GPC6: variants seen among roughly 807,000 people sequenced by gnomAD.
GPC6 encodes glypican 6.
A neutral mutation model predicts 55.2 loss-of-function variants in GPC6; 14 were observed. The ratio of observed to expected loss-of-function variants is 0.25; its 90% CI spans 0.17 to 0.40. GPC6 has a LOEUF of 0.40. GPC6 is among the 10% of genes least tolerant of loss of function. The pLI is 1.00. For synonymous variants in GPC6, 278 were observed against 259.6 expected, an observed-to-expected ratio of 1.07 and a Z score of -0.68; for missense variants, 641 against 708.5, an observed-to-expected ratio of 0.90 and a Z score of 1.08.
At chr13:94,280,734 G>A (rs1892354967) in intron 4 of GPC6, among the ~76,000 whole-genome samples, 1 of 151,980 alleles carries the variant, frequency 6.6e-6, no homozygotes, top group South Asian at 2.1e-4. Flanking sequence ...TCTTGGTTAA[G>A]CTAAAATGTA....
intron 6 of GPC6, 109 bp downstream of exon 6, chr13:94,306,232 C>A: frequency 9.7e-7 from 1 of 1,033,342 alleles, no homozygotes; most frequent in Non-Finnish European, 1.5e-6. Context: ...TCATCTCATG[C>A]TTATATCTGC....
intron 2 of GPC6, among the ~76,000 whole-genome samples, chr13:93,570,012 G>C (rs1157517834): frequency 6.6e-6 from 1 of 151,968 alleles, no homozygotes. Context: ...ATTTATTTTT[G>C]TAAATATACC....
chr13:93,449,949 T>C (rs1878164555), intron 1 of GPC6, among the ~76,000 whole-genome samples: 1 of 151,914 alleles, frequency 6.6e-6, no homozygotes. Flanking sequence ...TGAGACGGTG[T>C]CTCGCTCTAT....
chr13:94,248,126 C>T (rs978400938), intron 4 of GPC6, among the ~76,000 whole-genome samples: 16 of 152,198 alleles, frequency 1.1e-4, no homozygotes, highest in Admixed American at 3.3e-4. Context: ...GAAGTACATT[C>T]GTCATGGAAT....
chr13:94,227,269 A>G (rs1449490654), intron 4 of GPC6, among the ~76,000 whole-genome samples: 2 of 152,246 alleles, frequency 1.3e-5, no homozygotes, highest in South Asian at 2.1e-4. Flanking sequence ...AAAGGAAATC[A>G]GTGATTTTGA....
chr13:93,291,773 A>G (rs1393685273), intron 1 of GPC6, among the ~76,000 whole-genome samples: 2 of 152,144 alleles, frequency 1.3e-5, no homozygotes, highest in African/African-American at 2.4e-5. Context: ...CATATCCAGC[A>G]TATACCTTCG....
intron 4 of GPC6, among the ~76,000 whole-genome samples, chr13:94,257,183 G>A (rs1211850109): frequency 6.6e-6 from 1 of 152,104 alleles, no homozygotes. Context: ...AGAGAGTTTA[G>A]GGCAGTAACA....
At chr13:94,261,285 T>A (rs992550637) in intron 4 of GPC6, among the ~76,000 whole-genome samples, 3 of 151,980 alleles carry the variant, frequency 2.0e-5, no homozygotes, top group African/African-American at 2.4e-5. Context: ...AAAAATGCAA[T>A]AATAATAAGG....
intron 3 of GPC6, among the ~76,000 whole-genome samples, chr13:93,878,134 G>A (rs1336373018): frequency 6.6e-6 from 1 of 152,016 alleles, no homozygotes; most frequent in African/African-American, 2.4e-5. Context: ...TTTACAGGGA[G>A]AGCGATGGGG....
chr13:94,165,871 T>G (rs963042064), intron 4 of GPC6, among the ~76,000 whole-genome samples: 1 of 152,156 alleles, frequency 6.6e-6, no homozygotes, highest in Non-Finnish European at 1.5e-5. Flanking sequence ...TATTCTTATT[T>G]TCTCCCATAG....
intron 1 of GPC6, among the ~76,000 whole-genome samples, chr13:93,464,377 G>A (rs1878825693): frequency 6.6e-6 from 1 of 152,186 alleles, no homozygotes; most frequent in Non-Finnish European, 1.5e-5. Context: ...TCTCACAAGT[G>A]AAGTCAATTC....
At chr13:93,427,637 C>G (rs895447737) in intron 1 of GPC6, among the ~76,000 whole-genome samples, 5 of 152,184 alleles carry the variant, frequency 3.3e-5, no homozygotes, top group Non-Finnish European at 7.3e-5. Context: ...TCACTTCATT[C>G]TATACTATTT....
At chr13:93,226,628 T>G (rs1875793317), upstream of GPC6, 2 of 152,182 alleles carry the variant, frequency 1.3e-5, no homozygotes, top group Admixed American at 6.5e-5. Context: ...TTCTAGATTG[T>G]TTATTGATGT....
At chr13:93,801,585 C>T (rs1199118054) in intron 2 of GPC6, among the ~76,000 whole-genome samples, 1 of 152,152 alleles carries the variant, frequency 6.6e-6, no homozygotes, top group Non-Finnish European at 1.5e-5. Context: ...GCTCCCCATT[C>T]CTGGTAAATG....
At chr13:93,241,140 C>T (rs776176264) in intron 1 of GPC6, among the ~76,000 whole-genome samples, 3 of 152,124 alleles carry the variant, frequency 2.0e-5, no homozygotes, top group Non-Finnish European at 4.4e-5. Flanking sequence ...TGCAATGAAT[C>T]TCCCAGAGTT....
At chr13:93,773,046 C>T (rs186198832) in intron 2 of GPC6, among the ~76,000 whole-genome samples, 1 of 152,066 alleles carries the variant, frequency 6.6e-6, no homozygotes, top group Admixed American at 6.6e-5. Context: ...TAGGTTATGA[C>T]AGGACACTGC....
intron 4 of GPC6, among the ~76,000 whole-genome samples, chr13:94,237,591 C>A (rs1057275729): frequency 6.6e-6 from 1 of 152,008 alleles, no homozygotes; most frequent in Non-Finnish European, 1.5e-5. Context: ...AACAAGGAGA[C>A]GAAGAGCATT....
At chr13:94,032,227 A>G (rs1326438442) in intron 4 of GPC6, among the ~76,000 whole-genome samples, 1 of 152,224 alleles carries the variant, frequency 6.6e-6, no homozygotes, top group Non-Finnish European at 1.5e-5. Context: ...TAAGCTAGGC[A>G]TATACATTTT....
At chr13:93,770,889 T>A (rs1172701375) in intron 2 of GPC6, among the ~76,000 whole-genome samples, 2 of 152,148 alleles carry the variant, frequency 1.3e-5, no homozygotes, top group Non-Finnish European at 2.9e-5. Flanking sequence ...TAAGTAGTTT[T>A]TTTTTTCATC....
Sources: allele counts gnomAD v4.1 joint callset (sites outside exome capture counted in the v4.1 genomes callset), GRCh38; gene constraint gnomAD v4.1.1; transcripts MANE v1.5; gene names NCBI Gene and HGNC (gene_info 2026-07-23, HGNC 2026-07-21).